Variants in LIPH observed in about 807,000 individuals in gnomAD.
LIPH encodes the protein lipase member H.
A neutral mutation model predicts 47.6 loss-of-function variants in LIPH; 32 were observed. The observed-to-expected ratio is 0.67, with a 90% confidence interval of 0.51 to 0.90. LIPH has a LOEUF of 0.90. Among genes scored for constraint, LIPH ranks in the 40% least tolerant of loss-of-function variants. The pLI, the probability that LIPH is intolerant of heterozygous loss-of-function variation, is 0.00. For missense variants in LIPH, 497 were observed against 541.4 expected (o/e 0.92, Z 0.81); for synonymous variants, 190 against 195.6 (o/e 0.97, Z 0.24).
rs1720457384 is a variant in LIPH, at chr3:185,534,945, C to T, written c.237G>A (p.Arg79=). 2 of 1,613,956 alleles carry T rather than the reference C, an allele frequency of 1.2e-6. No homozygotes were observed. Among genetic ancestry groups the T allele is most frequent in the Non-Finnish European group, 1.7e-6 (2 of 1,179,864 alleles). The change falls in exon 2 of 10, where the codon AGG becomes AGA. Residue 79 remains arginine (R), a synonymous_variant. Transcript: ENST00000296252. ...TCCAAACAGGAGGGGAGCCTGTTGG[C>T]CTGAATCCATGGACAATGAAGGTGG... is the stretch of plus-strand genomic sequence containing the variant. ...KKTTFIVHGF[R]PTGSPPVWMD... is the part of the protein sequence containing the mutation.
chr3:185,541,651 C>T (rs537020447), intron 1 of LIPH, among the ~76,000 whole-genome samples: 5 of 152,154 alleles, frequency 3.3e-5, no homozygotes, highest in African/African-American at 9.6e-5. Flanking sequence ...AATGATCCTC[C>T]TGCCTCAGCC....
chr3:185,516,288 C>T (rs1698236672), intron 7 of LIPH, among the ~76,000 whole-genome samples: 1 of 151,056 alleles, frequency 6.6e-6, no homozygotes, highest in Admixed American at 6.6e-5. Context: ...CAAAAATTAG[C>T]CAGGCATGGT....
chr3:185,519,256 A>G lies in LIPH; in HGVS notation c.772T>C (p.Ser258Pro), dbSNP rs1445790092. 6.2e-7 allele frequency: 1 copy of G among 1,613,106 alleles called. No individual in the cohort carries two copies. The highest frequency in any genetic ancestry group is 8.5e-7 in the Non-Finnish European group (1 of 1,179,236). Residue 258 changes from serine (S) to proline (P), a missense_variant, in exon 6 of 10, where the codon TCC (serine) becomes CCC (proline). Transcript: ENST00000296252. Reference sequence around the variant, plus strand: ...GTGATGGTGCAGCTCTCTCTCAGGGAAGACAGGTACAGGTATACAGACCTC... The same window carrying G: ...GTGATGGTGCAGCTCTCTCTCAGGGGAGACAGGTACAGGTATACAGACCTC... Reference protein sequence around the residue: ...HQRSVYLYLSSLRESCTITAY... With the variant: ...HQRSVYLYLSPLRESCTITAY...
chr3:185,512,731 C>T (rs1170103182), intron 8 of LIPH, among the ~76,000 whole-genome samples: 2 of 151,642 alleles, frequency 1.3e-5, no homozygotes, highest in African/African-American at 2.4e-5. Flanking sequence ...TCAGGTGATC[C>T]GCCTGCCTCG....
At chr3:185,545,229 A>G (rs1720835019) in intron 1 of LIPH, among the ~76,000 whole-genome samples, 1 of 152,230 alleles carries the variant, frequency 6.6e-6, no homozygotes, top group South Asian at 2.1e-4. Flanking sequence ...TTGGAAAATT[A>G]CAGTTGGATG....
rs762830561 is a variant in LIPH at position 185,507,841 on chromosome 3, A to G, written c.*949T>C. ...ATTTTCTAAATTTCCTTCAATAATC[A>G]TAGATTACATTGGTAATAAAGAAAC... On this transcript the variant is annotated 3_prime_UTR_variant, in exon 10 of 10. Coordinates refer to ENST00000296252, the MANE Select transcript of LIPH (RefSeq NM_139248.3). 1.2e-4 allele frequency: 19 copies of G among 152,154 alleles called. No individual in the cohort carries two copies. Among genetic ancestry groups the G allele is most frequent in the Admixed American group, 3.3e-4 (5 of 15,280 alleles). 9.4% of individuals were successfully genotyped at this position (152,154 alleles called of 1,614,324 possible).
intron 2 of LIPH, among the ~76,000 whole-genome samples, chr3:185,534,039 C>A (rs1417345809): frequency 6.6e-6 from 1 of 152,148 alleles, no homozygotes; most frequent in Non-Finnish European, 1.5e-5. Context: ...GCCTGACCAA[C>A]ATGGAGAAAC....
chr3:185,522,654 G>GA (rs761771609), intron 5 of LIPH, among the ~76,000 whole-genome samples: 8,985 of 30,644 alleles, frequency 0.29, 393 homozygotes, highest in South Asian at 0.4. Context: ...GAAAGAAAAA[G>GA]AAAGAAAGAA....
intron 1 of LIPH, among the ~76,000 whole-genome samples, chr3:185,549,764 A>G (rs955901003): frequency 2.0e-5 from 3 of 152,126 alleles, no homozygotes; most frequent in Admixed American, 6.6e-5. Flanking sequence ...GCACAGTCAT[A>G]GCTCACTGCA....
At chr3:185,538,865 A>ATATATACACATATATATACATATATACG (rs1449329266) in intron 1 of LIPH, among the ~76,000 whole-genome samples, 1 of 146,498 alleles carries the variant, frequency 6.8e-6, no homozygotes, top group African/African-American at 2.5e-5. Flanking sequence ...ACATATATAC[A>ATATATACACATATATATACATATATACG]TATATACACA....
Position 185,529,424 on chromosome 3 carries a change from T to C in LIPH, c.527-1839A>G, listed in dbSNP as rs574459195. ...TTCTAGCCTTTTTCTTTTTCTTTTT[T>C]TTTTTTTAATTTGTGGGGGTAGGGG... On this transcript the variant is annotated intron_variant, in intron 3 of 9. Coordinates refer to ENST00000296252, the MANE Select transcript of LIPH (RefSeq NM_139248.3). 1.1e-4 allele frequency among the ~76,000 whole-genome samples: 16 copies of C among 148,182 alleles called. No individual in the cohort carries two copies. In the South Asian group the frequency reaches 2.1e-3, roughly 20 times the overall value.
chr3:185,514,420 TG>T lies in LIPH; in HGVS notation c.1083del (p.Ile363SerfsTer14). On this transcript the variant is annotated frameshift_variant, in exon 8 of 10. Transcript: ENST00000296252. The part of the protein sequence containing the change: ...LRDKAGNTTE[S>X]KINHEPTTFQ... The stretch of plus-strand genomic sequence containing the variant: ...TGTAACTCAACTTACTGATTGATTT[TG>T]GATTCTGTGGTGTTTCCAGCTTTGT... 1 of 1,476,226 alleles carries T rather than the reference TG, an allele frequency of 6.8e-7. No homozygotes were observed. Among genetic ancestry groups the T allele is most frequent in the Non-Finnish European group, 9.5e-7 (1 of 1,054,166 alleles). The allele number at this position is 1,476,226 out of a possible 1,614,324, so 91.4% of individuals were successfully genotyped here.
intron 1 of LIPH, among the ~76,000 whole-genome samples, 166 bp from the exon 2 acceptor site, chr3:185,535,298 A>G (rs1720471732): frequency 6.6e-6 from 1 of 152,150 alleles, no homozygotes; most frequent in Non-Finnish European, 1.5e-5. Context: ...ACATACTTTG[A>G]GACAGGGTTT....
At chr3:185,547,868 G>A (rs1306593662) in intron 1 of LIPH, among the ~76,000 whole-genome samples, 9 of 151,706 alleles carry the variant, frequency 5.9e-5, no homozygotes, top group Admixed American at 4.6e-4. Flanking sequence ...AGTATTTACT[G>A]AGACCCAGAT....
At position 185,534,911 on chromosome 3, in the gene LIPH, A is replaced by AGGG; in HGVS notation, c.270_271insCCC (p.Asp90_Leu91insPro). ...TCAACAGAGAGCAAACCCTTTACTAAGTCATCCATCCAAACAGGAGGGGAG... is the reference window on the plus strand; with the variant it reads ...TCAACAGAGAGCAAACCCTTTACTAAGGGGTCATCCATCCAAACAGGAGGGGAG... On this transcript the variant is annotated inframe_insertion, in exon 2 of 10. Transcript: ENST00000296252. The AGGG allele has an allele frequency of 6.2e-7, 1 of 1,614,228 alleles. No individual in the cohort carries two copies. The highest frequency in any genetic ancestry group is 8.5e-7 in the Non-Finnish European group (1 of 1,180,036).
At chr3:185,513,812 G>A (rs1465669455) in intron 8 of LIPH, among the ~76,000 whole-genome samples, 3 of 152,118 alleles carry the variant, frequency 2.0e-5, no homozygotes, top group Non-Finnish European at 2.9e-5. Flanking sequence ...AAGCCGAGGC[G>A]GGCAGATCAT....
intron 4 of LIPH, among the ~76,000 whole-genome samples, chr3:185,525,820 G>A (rs1720051597): frequency 6.6e-6 from 1 of 152,210 alleles, no homozygotes; most frequent in Admixed American, 6.5e-5. Flanking sequence ...GAATGCCACT[G>A]TTTCACAAAG....
chr3:185,517,415 G>A (rs1171902541), intron 6 of LIPH, among the ~76,000 whole-genome samples: 1 of 152,174 alleles, frequency 6.6e-6, no homozygotes, highest in Non-Finnish European at 1.5e-5. Flanking sequence ...AGGGTGGAGA[G>A]GTGTGGGGTG....
intron 1 of LIPH, among the ~76,000 whole-genome samples, chr3:185,542,179 G>A (rs956887312): frequency 5.9e-5 from 9 of 152,134 alleles, no homozygotes; most frequent in African/African-American, 2.2e-4. Flanking sequence ...TGACATGCAT[G>A]ATCTCAGCTG....
Sources: gnomAD v4.1 joint callset for allele counts (sites outside exome capture counted in the v4.1 genomes callset) on GRCh38, gnomAD v4.1.1 for gene constraint, MANE v1.5 for transcripts, NCBI Gene and HGNC (gene_info 2026-07-23, HGNC 2026-07-21) for gene names.